The following FAM83H variants were observed in gnomAD, a reference collection of about 807,000 sequenced individuals.
FAM83H encodes the protein protein FAM83H.
A neutral mutation model predicts 30.2 loss-of-function variants in FAM83H; 24 were observed. That is an observed-to-expected ratio of 0.79 (90% CI 0.57 to 1.12). FAM83H has a LOEUF of 1.12. FAM83H is among the 50% of genes most tolerant of loss of function. FAM83H has a pLI of 0.00. For missense variants in FAM83H, 2,038 were observed against 1,773.9 expected, an observed-to-expected ratio of 1.15 and a Z score of -2.67; for synonymous variants, 1,013 against 821.7, an observed-to-expected ratio of 1.23 and a Z score of -3.98.
At position 143,729,193 on chromosome 8, in the gene FAM83H, G is replaced by C; in HGVS notation, c.578C>G (p.Ala193Gly). 1 of 1,613,660 alleles carries C rather than the reference G, an allele frequency of 6.2e-7. No individual in the cohort carries two copies. ...EMNAQHFLDM[A>G]DKCRVNLQHV... ...CTGCAGGTTGACACGGCACTTGTCG[G>C]CCATGTCCAGGAAGTGCTGCGCGTT... The change falls in exon 3 of 5, where the codon GCC becomes GGC. Residue 193 changes from alanine to glycine, a missense_variant. Physicochemically the swap from Ala to Gly is moderately conservative, Grantham distance 60. Coordinates refer to ENST00000388913, the MANE Select transcript of FAM83H (RefSeq NM_198488.5).
Position 143,726,383 on chromosome 8 carries a change from G to T in FAM83H, c.3078C>A (p.Ala1026=). The change falls in exon 5 of 5, where the codon GCC becomes GCA. Residue 1026 remains alanine, a synonymous_variant. Transcript: ENST00000388913. ...ERGPRARLSS[A]TANALYSSNL... is the part of the protein sequence containing the mutation. ...TGCTGCTGTACAAGGCGTTGGCCGT[G>T]GCTGAGGACAGGCGCGCCCGCGGAC... The T allele has an allele frequency of 6.2e-7, 1 of 1,610,230 alleles. No individual in the cohort carries two copies. Among genetic ancestry groups the T allele is most frequent in the South Asian group, 1.1e-5 (1 of 90,746 alleles).
At chr8:143,728,809 C>G in intron 4 of FAM83H, 86 bp from the exon 5 acceptor site, 1 of 1,597,592 alleles carries the variant, frequency 6.3e-7, no homozygotes, top group Non-Finnish European at 8.5e-7. Flanking sequence ...GCGGAGGACG[C>G]AGGGATGTGA....
At chr8:143,732,774 T>C (rs528305188) in intron 1 of FAM83H, 104 of 979,166 alleles carry the variant, frequency 1.1e-4, no homozygotes, top group Admixed American at 1.2e-4. Flanking sequence ...GTGGCCTGCA[T>C]GCCCACACAT....
Position 143,729,068 on chromosome 8 carries a change from C to A in FAM83H, c.636G>T (p.Ala212=), listed in dbSNP as rs373109895. The part of the protein sequence containing the change: ...HVDFLRVRTV[A]GPTYYCRTGK... ...CAGTGCGGCAGTAGTAGGTGGGGCCCGCCACAGTCCGTACGCGCAGGAACT... is the reference window on the plus strand; with the variant it reads ...CAGTGCGGCAGTAGTAGGTGGGGCCAGCCACAGTCCGTACGCGCAGGAACT... Residue 212 remains alanine (A), a synonymous_variant, in exon 4 of 5, where the codon GCG becomes GCT. Transcript: ENST00000388913. 2 of 1,613,670 alleles carry A rather than the reference C, an allele frequency of 1.2e-6. No individual in the cohort carries two copies. Among genetic ancestry groups the A allele is most frequent in the South Asian group, 1.1e-5 (1 of 91,076 alleles).
Position 143,726,616 on chromosome 8 carries a change from C to G in FAM83H, c.2845G>C (p.Gly949Arg). ...LTISGESPKA[G>R]PAEEGPSGPM... Reference sequence around the variant, plus strand: ...CCGCTCGGCCCCTCCTCCGCGGGCCCGGCCTTCGGGGACTCCCCGGAGATG... The same window carrying G: ...CCGCTCGGCCCCTCCTCCGCGGGCCGGGCCTTCGGGGACTCCCCGGAGATG... The change falls in exon 5 of 5, where the codon GGG (glycine) becomes CGG (arginine). Residue 949 changes from glycine (G) to arginine (R), a missense_variant. By Grantham distance (125) the Gly-to-Arg change is moderately radical. Coordinates refer to ENST00000388913, the MANE Select transcript of FAM83H (RefSeq NM_198488.5). 2.5e-6 allele frequency: 4 copies of G among 1,599,708 alleles called. No individual in the cohort carries two copies. The highest frequency in any genetic ancestry group is 3.4e-6 in the Non-Finnish European group (4 of 1,178,554).
At position 143,726,390 on chromosome 8, in the gene FAM83H, G is replaced by T. The variant is rs372205376; in HGVS notation, c.3071C>A (p.Ser1024Tyr). The stretch of plus-strand genomic sequence containing the variant: ...GTACAAGGCGTTGGCCGTGGCTGAG[G>T]ACAGGCGCGCCCGCGGACCCCGCTC... The part of the protein sequence containing the change: ...TEERGPRARL[S>Y]SATANALYSS... Residue 1024 changes from serine to tyrosine, a missense_variant, in exon 5 of 5, where the codon TCC becomes TAC. Ser to Tyr is a moderately radical substitution (Grantham distance 144). Coordinates refer to ENST00000388913, the MANE Select transcript of FAM83H (RefSeq NM_198488.5). The T allele has an allele frequency of 2.5e-6, 4 of 1,608,848 alleles. No individual in the cohort carries two copies. The highest frequency in any genetic ancestry group is 2.5e-6 in the Non-Finnish European group (3 of 1,178,976).
chr8:143,725,167 G>T lies in FAM83H; in HGVS notation c.*754C>A, dbSNP rs1192110719. On this transcript the variant is annotated 3_prime_UTR_variant, in exon 5 of 5. Coordinates refer to ENST00000388913, the MANE Select transcript of FAM83H (RefSeq NM_198488.5). ...GGGGAGGGGGGAGACGGGGGGGGGG[G>T]GGGGGGAGGGAAGGAGGAGACCTTG... The T allele has an allele frequency of 3.7e-5, 5 of 133,360 alleles. 1 individual carries two copies. The highest frequency in any genetic ancestry group is 1.4e-4 in the African/African-American group (5 of 36,728). 8.3% of individuals were successfully genotyped at this position (133,360 alleles called of 1,614,324 possible).
chr8:143,726,264 T>TGGGTC lies in FAM83H; in HGVS notation c.3192_3196dup (p.His1066ArgfsTer8). Reference sequence around the variant, plus strand: ...TGGACGGCCTAGCTCGGGGCTGTTGTGGGTCGGGCCGGGGCTCGGGGCAGG... The same window carrying TGGGTC: ...TGGACGGCCTAGCTCGGGGCTGTTGTGGGTCGGGTCGGGCCGGGGCTCGGGGCAGG... On this transcript the variant is annotated frameshift_variant, in exon 5 of 5. Coordinates refer to ENST00000388913, the MANE Select transcript of FAM83H (RefSeq NM_198488.5). LOFTEE classifies it high-confidence loss of function. 1 of 1,612,152 alleles carries TGGGTC rather than the reference T, an allele frequency of 6.2e-7. No homozygotes were observed. The highest frequency in any genetic ancestry group is 8.5e-7 in the Non-Finnish European group (1 of 1,179,692).
intron 1 of FAM83H, among the ~76,000 whole-genome samples, chr8:143,730,963 C>T (rs556706025): frequency 1.5e-4 from 23 of 152,236 alleles, no homozygotes; most frequent in Admixed American, 1.3e-3. Context: ...GGCATGGTGG[C>T]GTGCACACAT....
In FAM83H at chr8:143,727,877, C is replaced by T. The variant is rs542012233; in HGVS notation, c.1584G>A (p.Ala528=). ...TGGGCTCCAGGCCGCGGGGTCCGGG[C>T]GCGAAGGCGGGGTCCGAGCCGTGGC... The part of the protein sequence containing the change: ...EVRHGSDPAF[A]PGPRGLEPSG... The change falls in exon 5 of 5, where the codon GCG becomes GCA. Residue 528 remains alanine (A), a synonymous_variant. Transcript: ENST00000388913. 1.5e-6 allele frequency: 2 copies of T among 1,371,324 alleles called. No individual in the cohort carries two copies. Among genetic ancestry groups the T allele is most frequent in the East Asian group, 3.1e-5 (1 of 32,204 alleles). The allele number at this position is 1,371,324 out of a possible 1,614,324, so 84.9% of individuals were successfully genotyped here. A position where few individuals can be genotyped will look rare whatever the true frequency, so the allele number is the denominator to read the frequency against.
intron 2 of FAM83H, among the ~76,000 whole-genome samples, chr8:143,729,687 C>A (rs1053682439): frequency 6.6e-6 from 1 of 152,220 alleles, no homozygotes; most frequent in Non-Finnish European, 1.5e-5. Context: ...CCAGTTCTGC[C>A]CTGGGACGGG....
In FAM83H at chr8:143,727,023, G is replaced by A. The variant is rs782385031; in HGVS notation, c.2438C>T (p.Ser813Leu). The A allele has an allele frequency of 1.9e-5, 29 of 1,565,222 alleles. No homozygotes were observed. The highest frequency in any genetic ancestry group is 7.4e-5 in the Admixed American group (4 of 54,146). Residue 813 changes from serine (S) to leucine (L), a missense_variant, in exon 5 of 5, where the codon TCG (serine) becomes TTG (leucine). Transcript: ENST00000388913. ...QEAERQPGAA[S>L]LTAAQLLDTL... The stretch of plus-strand genomic sequence containing the variant: ...GTCGAGCAGCTGCGCCGCGGTGAGC[G>A]ACGCGGCTCCCGGCTGCCGCTCCGC...
At chr8:143,731,352 T>A (rs1818514815) in intron 1 of FAM83H, 1 of 985,218 alleles carries the variant, frequency 1.0e-6, no homozygotes, top group Non-Finnish European at 1.2e-6. Flanking sequence ...ACAACACAGC[T>A]GAGGGTCCAC....
Position 143,725,916 on chromosome 8 carries a change from A to G in FAM83H, c.*5T>C. On this transcript the variant is annotated 3_prime_UTR_variant, in exon 5 of 5. Transcript: ENST00000388913. Reference sequence around the variant, plus strand: ...ACCCTGGCCTGGGTTGCCAGGCCAGAAGACTCACTTCTTGCTTTTGAACGT... The same window carrying G: ...ACCCTGGCCTGGGTTGCCAGGCCAGGAGACTCACTTCTTGCTTTTGAACGT... 6.2e-7 allele frequency: 1 copy of G among 1,612,608 alleles called. No individual in the cohort carries two copies. Among genetic ancestry groups the G allele is most frequent in the South Asian group, 1.1e-5 (1 of 91,018 alleles).
In FAM83H at chr8:143,729,254, G is replaced by T; in HGVS notation, c.517C>A (p.Arg173Ser). ...LLSEVLEAAA[R>S]RVPVYILLDE... is the part of the protein sequence containing the mutation. ...AGCAGGATGTAGACTGGGACCCGAC[G>T]GGCCGCGGCCTCCAGCACTTCGCTG... is the stretch of plus-strand genomic sequence containing the variant. Residue 173 changes from arginine (R) to serine (S), a missense_variant, in exon 3 of 5, where the codon CGT (arginine) becomes AGT (serine). Arg to Ser is a moderately radical substitution (Grantham distance 110). Transcript: ENST00000388913. The T allele has an allele frequency of 6.2e-7, 1 of 1,613,356 alleles. No individual in the cohort carries two copies. Among genetic ancestry groups the T allele is most frequent in the Non-Finnish European group, 8.5e-7 (1 of 1,180,000 alleles).
intron 2 of FAM83H, among the ~76,000 whole-genome samples, 194 bp from the exon 3 acceptor site, chr8:143,729,517 G>T (rs1044312129): frequency 6.6e-6 from 1 of 152,182 alleles, no homozygotes; most frequent in African/African-American, 2.4e-5. Flanking sequence ...GGTGTGGAAC[G>T]GCTGGCCATA....
chr8:143,732,321 C>CGCTCTGGTTG lies in FAM83H; in HGVS notation c.-16+1360_-16+1369dup, dbSNP rs1233833140. The CGCTCTGGTTG allele has an allele frequency of 4.1e-6, 4 of 985,290 alleles. No homozygotes were observed. In the Admixed American group the frequency reaches 2.5e-4, roughly 61 times the overall value. 61.0% of individuals were successfully genotyped at this position (985,290 alleles called of 1,614,324 possible). Reference sequence around the variant, plus strand: ...ACATATGGGGCTGGTTAGGGCACACCGCTCTGGTTGTGCCAGGGGCAGATC... The same window carrying CGCTCTGGTTG: ...ACATATGGGGCTGGTTAGGGCACACCGCTCTGGTTGGCTCTGGTTGTGCCAGGGGCAGATC... On this transcript the variant is annotated intron_variant, in intron 1 of 4. Transcript: ENST00000388913.
intron 1 of FAM83H, chr8:143,731,454 C>T: frequency 2.0e-6 from 2 of 985,402 alleles, no homozygotes; most frequent in South Asian, 4.7e-5. Context: ...ACACATAGTC[C>T]CGGGCCACAC....
At position 143,727,834 on chromosome 8, in the gene FAM83H, T is replaced by TGGGGCGCGGGGCTCCGCTGGGCTCC; in HGVS notation, c.1602_1626dup (p.Asn543GlyfsTer170). ...TGGCATGGGAAGCGCTGGGTCAGGT[T>TGGGGCGCGGGGCTCCGCTGGGCTCC]GGGGCGCGGGGCTCCGCTGGGCTCC... On this transcript the variant is annotated frameshift_variant, in exon 5 of 5. Transcript: ENST00000388913. LOFTEE classifies it low-confidence loss of function (END_TRUNC). 7.6e-7 allele frequency: 1 copy of TGGGGCGCGGGGCTCCGCTGGGCTCC among 1,324,468 alleles called. No individual in the cohort carries two copies. The highest frequency in any genetic ancestry group is 9.6e-7 in the Non-Finnish European group (1 of 1,045,514). 82.0% of individuals were successfully genotyped at this position (1,324,468 alleles called of 1,614,324 possible). A position where few individuals can be genotyped will look rare whatever the true frequency, so the allele number is the denominator to read the frequency against.
Sources: allele counts gnomAD v4.1 joint callset (sites outside exome capture counted in the v4.1 genomes callset), GRCh38; gene constraint gnomAD v4.1.1; transcripts MANE v1.5; gene names NCBI Gene and HGNC (gene_info 2026-07-23, HGNC 2026-07-21).